CIITA: variants seen among roughly 807,000 people sequenced by gnomAD.
The protein encoded by CIITA is MHC class II transactivator.
Under a neutral mutation model 115.1 loss-of-function variants are expected in CIITA, and 72 were observed. The observed-to-expected ratio is 0.63, with a 90% CI of 0.52 to 0.76. The LOEUF is 0.76. Among genes scored for constraint, CIITA ranks in the 30% least tolerant of loss-of-function variants. CIITA has a pLI of 0.00. For missense variants in CIITA, 1,617 were observed against 1,463.8 expected (o/e 1.10, Z -1.71); for synonymous variants, 763 against 635.6 (o/e 1.20, Z -3.02).
chr16:10,930,088 C>G lies in CIITA; in HGVS notation c.*6233C>G, dbSNP rs1218928533. The stretch of plus-strand genomic sequence containing the variant: ...GCAGCATCATCTCCATGGCCTGGCC[C>G]CCTGGCACGTCCCCGTTTCCCACTG... On this transcript the variant is annotated 3_prime_UTR_variant, in exon 20 of 20. Transcript: ENST00000324288. 1 of 152,384 alleles carries G rather than the reference C, an allele frequency of 6.6e-6. No individual in the cohort carries two copies. The highest frequency in any genetic ancestry group is 6.5e-5 in the Admixed American group (1 of 15,278). The allele number at this position is 152,384 out of a possible 1,614,324, so 9.4% of individuals were successfully genotyped here.
At chr16:10,887,662 A>G (rs1207057961) in intron 1 of CIITA, among the ~76,000 whole-genome samples, 1 of 152,050 alleles carries the variant, frequency 6.6e-6, no homozygotes, top group East Asian at 1.9e-4. Flanking sequence ...CGCCCAGCTC[A>G]TTTTTGTATT....
In CIITA at chr16:10,915,582, C is replaced by T. The variant is rs554354080; in HGVS notation, c.2901C>T (p.Val967=). The change falls in exon 14 of 20, where the codon GTC becomes GTT. Residue 967 remains valine, a synonymous_variant. Coordinates refer to ENST00000324288, the MANE Select transcript of CIITA (RefSeq NM_000246.4). The part of the protein sequence containing the change: ...LKKLEFALGP[V]SGPQAFPKLV... ...CTTTGCCTCCTAGGCTGGGCCCTGT[C>T]TCAGGCCCCCAGGCTTTCCCCAAAC... 3.7e-6 allele frequency: 6 copies of T among 1,614,008 alleles called. No homozygotes were observed. In the African/African-American group the frequency reaches 8.0e-5, roughly 22 times the overall value.
chr16:10,929,968 T>C lies in CIITA; in HGVS notation c.*6113T>C, dbSNP rs6416648. 0.97 allele frequency: 147,984 copies of C among 152,368 alleles called. 71,987 individuals carry two copies. Among genetic ancestry groups the C allele is most frequent in the East Asian group, 1 (5,176 of 5,176 alleles). The allele number at this position is 152,368 out of a possible 1,614,324, so 9.4% of individuals were successfully genotyped here. A position where few individuals can be genotyped will look rare whatever the true frequency, so the allele number is the denominator to read the frequency against. Reference sequence around the variant, plus strand: ...TAGTGGGCAGGGCTTGGCAACACCTTCCACCTTGCCCGGAAAAATGCTTTG... The same window carrying C: ...TAGTGGGCAGGGCTTGGCAACACCTCCCACCTTGCCCGGAAAAATGCTTTG... On this transcript the variant is annotated 3_prime_UTR_variant, in exon 20 of 20. Coordinates refer to ENST00000324288, the MANE Select transcript of CIITA (RefSeq NM_000246.4). The surrounding 1 kb of genome is among the most constrained non-coding windows in gnomAD (Gnocchi z 4.3).
intron 18 of CIITA, 66 bp downstream of exon 18, chr16:10,922,556 C>T (rs2040332556): frequency 6.5e-7 from 1 of 1,528,120 alleles, no homozygotes; most frequent in South Asian, 1.1e-5. Context: ...CCAGTGTGAC[C>T]CCGGAGCTCA....
upstream of CIITA, chr16:10,866,240 G>A (rs373020981): frequency 2.6e-4 from 128 of 497,088 alleles, no homozygotes; most frequent in African/African-American, 2.3e-3. Flanking sequence ...CTGGGTGAGC[G>A]GAGATTCCAG....
intron 1 of CIITA, among the ~76,000 whole-genome samples, chr16:10,871,101 T>C (rs1044108966): frequency 6.6e-6 from 1 of 152,210 alleles, no homozygotes; most frequent in Non-Finnish European, 1.5e-5. Flanking sequence ...CCAAGAGGTA[T>C]GACTTTGAGC....
At chr16:10,913,498 TAG>T (rs1567434817) in intron 13 of CIITA, 1 of 158,842 alleles carries the variant, frequency 6.3e-6, no homozygotes, top group African/African-American at 2.4e-5. Context: ...GTATTTTTAG[TAG>T]AGACGGGGTT....
At chr16:10,900,678 T>C (rs140314435) in intron 5 of CIITA, among the ~76,000 whole-genome samples, 3 of 151,430 alleles carry the variant, frequency 2.0e-5, no homozygotes, top group Admixed American at 6.6e-5. Flanking sequence ...AAGCAGAGGT[T>C]GCAGTGAGCC....
chr16:10,895,778 T>C lies in CIITA; in HGVS notation c.295+14T>C. ...ATGCCAATATCGGTGAGGAAGCACC[T>C]GAGCCCAGAAAAGGACAATCAAGGG... On this transcript the variant is annotated intron_variant, in intron 3 of 19. Transcript: ENST00000324288. 2.5e-6 allele frequency: 4 copies of C among 1,613,224 alleles called. No homozygotes were observed. Among genetic ancestry groups the C allele is most frequent in the Non-Finnish European group, 2.5e-6 (3 of 1,179,226 alleles).
At position 10,906,859 on chromosome 16, in the gene CIITA, T is replaced by C. The variant is rs764714532; in HGVS notation, c.1367T>C (p.Leu456Ser). ...DFVFSVPCHC[L>S]NRPGDAYGLQ... ...GTCTTCTCTGTCCCCTGCCATTGCT[T>C]GAACCGTCCGGGGGATGCCTATGGC... is the stretch of plus-strand genomic sequence containing the variant. Residue 456 changes from leucine to serine, a missense_variant, in exon 11 of 20, where the codon TTG (leucine) becomes TCG (serine). By Grantham distance (145) the Leu-to-Ser change is moderately radical (BLOSUM62 -2). Coordinates refer to ENST00000324288, the MANE Select transcript of CIITA (RefSeq NM_000246.4). 2 of 1,613,532 alleles carry C rather than the reference T, an allele frequency of 1.2e-6. No homozygotes were observed. The highest frequency in any genetic ancestry group is 1.7e-6 in the Non-Finnish European group (2 of 1,180,028).
chr16:10,929,462 C>A lies in CIITA; in HGVS notation c.*5607C>A, dbSNP rs2040681880. 1.0e-6 allele frequency: 1 copy of A among 985,764 alleles called. No individual in the cohort carries two copies. Among genetic ancestry groups the A allele is most frequent in the East Asian group, 1.1e-4 (1 of 8,816 alleles). The allele number at this position is 985,764 out of a possible 1,614,324, so 61.1% of individuals were successfully genotyped here. On this transcript the variant is annotated 3_prime_UTR_variant, in exon 20 of 20. Coordinates refer to ENST00000324288, the MANE Select transcript of CIITA (RefSeq NM_000246.4). The surrounding 1 kb of genome is among the most constrained non-coding windows in gnomAD (Gnocchi z 4.3). ...GTTCCCCCTTCTGTGGGAGCAGGTG[C>A]CTTCCCAACCTCAGCACTCAGTCCC... is the stretch of plus-strand genomic sequence containing the variant.
At chr16:10,893,097 A>G (rs2037758806) in intron 1 of CIITA, among the ~76,000 whole-genome samples, 1 of 152,170 alleles carries the variant, frequency 6.6e-6, no homozygotes, top group African/African-American at 2.4e-5. Context: ...TGCAGCCACA[A>G]GACCACAAGT....
chr16:10,939,074 G>C (rs1380388418), downstream of CIITA: 1 of 152,212 alleles, frequency 6.6e-6, no homozygotes, highest in Non-Finnish European at 1.5e-5. This position sits in a 1 kb window ranked among gnomAD's most constrained non-coding sequence, Gnocchi z 4.9. Flanking sequence ...CAGGGTCAAA[G>C]TCTGTTGAAT....
At chr16:10,891,169 A>T (rs1380241115) in intron 1 of CIITA, among the ~76,000 whole-genome samples, 2 of 152,002 alleles carry the variant, frequency 1.3e-5, no homozygotes, top group African/African-American at 4.8e-5. Flanking sequence ...CCCATCTGTG[A>T]TACCACCTGT....
chr16:10,895,704 A>C lies in CIITA; in HGVS notation c.235A>C (p.Ser79Arg). ...DTDTINCDQF[S>R]RLLCDMEGDE... is the part of the protein sequence containing the mutation. Reference sequence around the variant, plus strand: ...AGACACCATCAACTGCGACCAGTTCAGCAGGCTGTTGTGTGACATGGAAGG... The same window carrying C: ...AGACACCATCAACTGCGACCAGTTCCGCAGGCTGTTGTGTGACATGGAAGG... The change falls in exon 3 of 20, where the codon AGC (serine) becomes CGC (arginine). Residue 79 changes from serine to arginine, a missense_variant. By Grantham distance (110) the Ser-to-Arg change is moderately radical. Coordinates refer to ENST00000324288, the MANE Select transcript of CIITA (RefSeq NM_000246.4). The C allele has an allele frequency of 6.2e-7, 1 of 1,614,216 alleles. No homozygotes were observed. Among genetic ancestry groups the C allele is most frequent in the Non-Finnish European group, 8.5e-7 (1 of 1,180,044 alleles).
In CIITA at chr16:10,933,163, A is replaced by C. The variant is rs1404978279; in HGVS notation, c.*9308A>C. On this transcript the variant is annotated 3_prime_UTR_variant, in exon 20 of 20. Coordinates refer to ENST00000324288, the MANE Select transcript of CIITA (RefSeq NM_000246.4). ...TTTTTTTCCCCCTTTCTGAAACTGT[A>C]ACCTTTCATTCCAGCCATTCCCCAG... The C allele has an allele frequency of 6.6e-6, 1 of 152,220 alleles. No individual in the cohort carries two copies. The highest frequency in any genetic ancestry group is 2.4e-5 in the African/African-American group (1 of 41,440). 9.4% of individuals were successfully genotyped at this position (152,220 alleles called of 1,614,324 possible).
In CIITA at chr16:10,900,429, C is replaced by A. The variant is rs1418084310; in HGVS notation, c.437-1085C>A. Among the ~76,000 whole-genome samples the A allele has an allele frequency of 2.0e-5, 3 of 152,044 alleles. No homozygotes were observed. In the South Asian group the frequency reaches 6.2e-4, roughly 32 times the overall value. ...TTATGTTTTCATTTGATAAATATTT[C>A]CCCCCAAGATTTTATTGTGAAAGTT... On this transcript the variant is annotated intron_variant, in intron 5 of 19. Coordinates refer to ENST00000324288, the MANE Select transcript of CIITA (RefSeq NM_000246.4).
At chr16:10,872,108 C>T (rs1160724204) in intron 1 of CIITA, among the ~76,000 whole-genome samples, 1 of 152,086 alleles carries the variant, frequency 6.6e-6, no homozygotes, top group Non-Finnish European at 1.5e-5. Context: ...ATTATTCTCA[C>T]CCTGTCTTTT....
chr16:10,913,048 C>T (rs1234708673), intron 13 of CIITA, among the ~76,000 whole-genome samples: 1 of 152,214 alleles, frequency 6.6e-6, no homozygotes, highest in East Asian at 1.9e-4. Context: ...CCCTTATCTC[C>T]TACACTCGCT....
Sources: gnomAD v4.1 joint callset for allele counts (sites outside exome capture counted in the v4.1 genomes callset) on GRCh38, gnomAD v4.1.1 for gene constraint, Gnocchi (gnomAD v3.1) non-coding constraint, MANE v1.5 for transcripts, NCBI Gene and HGNC (gene_info 2026-07-23, HGNC 2026-07-21) for gene names.